PAK2: variants seen among roughly 807,000 people sequenced by gnomAD.
The protein encoded by PAK2 is p21 (RAC1) activated kinase 2.
PAK2 carries 21 observed loss-of-function variants against 65.9 expected under a neutral mutation model. That is an observed-to-expected ratio of 0.32 (90% CI 0.23 to 0.46). The LOEUF (loss-of-function observed/expected upper bound fraction) is 0.46. Among genes scored for constraint, PAK2 ranks in the 20% least tolerant of loss-of-function variants. The probability of loss-of-function intolerance (pLI) is 1.00; values close to 1 mark genes in which losing one functional copy is unlikely to be tolerated. For missense variants in PAK2, 324 were observed against 642.6 expected (o/e 0.50, Z 5.36); for synonymous variants, 204 against 219.7 (o/e 0.93, Z 0.63).
chr3:196,827,360 G>A, intron 14 of PAK2, 27 bp downstream of exon 14: 1 of 1,588,770 alleles, frequency 6.3e-7, no homozygotes, highest in East Asian at 2.3e-5. Flanking sequence ...TTTCATTTGG[G>A]GGAATAGTTG....
intron 2 of PAK2, among the ~76,000 whole-genome samples, chr3:196,792,962 A>G (rs74795300): frequency 0.011 from 1,624 of 152,310 alleles, 31 homozygotes; most frequent in African/African-American, 0.037. Flanking sequence ...GCGTTTGCAG[A>G]GGGGAATCTG....
At chr3:196,789,305 G>A (rs550489588) in intron 2 of PAK2, among the ~76,000 whole-genome samples, 3 of 151,962 alleles carry the variant, frequency 2.0e-5, no homozygotes, top group Admixed American at 6.6e-5. Flanking sequence ...CAACCTATAA[G>A]CACCTTCACT....
At chr3:196,777,276 T>A (rs1714566514) in intron 1 of PAK2, among the ~76,000 whole-genome samples, 1 of 152,176 alleles carries the variant, frequency 6.6e-6, no homozygotes, top group East Asian at 1.9e-4. Context: ...TGATCTTGGC[T>A]CACTGCAACT....
chr3:196,801,321 G>A (rs1715416107), intron 2 of PAK2, among the ~76,000 whole-genome samples: 1 of 152,082 alleles, frequency 6.6e-6, no homozygotes, highest in Non-Finnish European at 1.5e-5. Context: ...GCCCGAAGGG[G>A]GTGTCTCTTC....
chr3:196,762,560 C>T (rs529799918), intron 1 of PAK2, among the ~76,000 whole-genome samples: 10 of 148,782 alleles, frequency 6.7e-5, no homozygotes, highest in Admixed American at 6.0e-4. Flanking sequence ...GCGGCGCATG[C>T]CTGCAATCGC....
In PAK2 at chr3:196,791,140, T is replaced by C. The variant is rs1715056485; in HGVS notation, c.187+8307T>C. Among the ~76,000 whole-genome samples the C allele has an allele frequency of 6.6e-6, 1 of 152,144 alleles. No individual in the cohort carries two copies. ...GCCCTCTATTTCTGGGCTTCTAGAG[T>C]CGTTATATAAGAGTATTAAAGACAT... On this transcript the variant is annotated intron_variant, in intron 2 of 14. Coordinates refer to ENST00000327134, the MANE Select transcript of PAK2 (RefSeq NM_002577.4). This position sits in a 1 kb window ranked among gnomAD's most constrained non-coding sequence, Gnocchi z 4.0.
At chr3:196,741,753 C>G (rs1009722177) in intron 1 of PAK2, among the ~76,000 whole-genome samples, 2 of 152,164 alleles carry the variant, frequency 1.3e-5, no homozygotes, top group Non-Finnish European at 2.9e-5. Context: ...TTGTCCTTAA[C>G]TTAATGGATG....
intron 1 of PAK2, among the ~76,000 whole-genome samples, chr3:196,765,816 G>C (rs1254308220): frequency 6.6e-6 from 1 of 152,020 alleles, no homozygotes; most frequent in Non-Finnish European, 1.5e-5. Context: ...TTGTTTATTT[G>C]AAAAACACAT....
Position 196,745,818 on chromosome 3 carries a change from T to TA in PAK2, c.-22+5674dup, listed in dbSNP as rs747996109. Among the ~76,000 whole-genome samples the TA allele has an allele frequency of 1.3e-3, 182 of 142,204 alleles. 1 individual carries two copies. The highest frequency in any genetic ancestry group is 8.5e-3 in the East Asian group (41 of 4,852). 93.3% of individuals were successfully genotyped at this position (142,204 alleles called of 152,430 possible). A position where few individuals can be genotyped will look rare whatever the true frequency, so the allele number is the denominator to read the frequency against. The stretch of plus-strand genomic sequence containing the variant: ...AACAGAACGAGACTCCATCTCTAAG[T>TA]AAAAAAAAAAAAAGAAGAAGTAGTA... On this transcript the variant is annotated intron_variant, in intron 1 of 14. Coordinates refer to ENST00000327134, the MANE Select transcript of PAK2 (RefSeq NM_002577.4).
chr3:196,829,939 CTT>C lies in PAK2; in HGVS notation c.*1535_*1536del, dbSNP rs569306484. 340 of 152,070 alleles carry C rather than the reference CTT, an allele frequency of 2.2e-3. 1 individual carries two copies. Among genetic ancestry groups the C allele is most frequent in the African/African-American group, 7.5e-3 (313 of 41,468 alleles). 9.4% of individuals were successfully genotyped at this position (152,070 alleles called of 1,614,324 possible). A position where few individuals can be genotyped will look rare whatever the true frequency, so the allele number is the denominator to read the frequency against. On this transcript the variant is annotated 3_prime_UTR_variant, in exon 15 of 15. Coordinates refer to ENST00000327134, the MANE Select transcript of PAK2 (RefSeq NM_002577.4). Reference sequence around the variant, plus strand: ...CTCTTCTCTTTTTTCCTCTCCTCTTCTTCTCCTTTATTCATTGTTTTGCTTTT... The same window carrying C: ...CTCTTCTCTTTTTTCCTCTCCTCTTCCTCCTTTATTCATTGTTTTGCTTTT...
At position 196,831,816 on chromosome 3, in the gene PAK2, A is replaced by C. The variant is rs567472999; in HGVS notation, c.*3411A>C. ...ACATCTAGTGAAATGTCAGTGTCAA[A>C]ATATTATAGATTATAGCTAAAATCC... On this transcript the variant is annotated 3_prime_UTR_variant, in exon 15 of 15. Coordinates refer to ENST00000327134, the MANE Select transcript of PAK2 (RefSeq NM_002577.4). The C allele has an allele frequency of 6.6e-6, 1 of 152,312 alleles. No homozygotes were observed. Among genetic ancestry groups the C allele is most frequent in the Non-Finnish European group, 1.5e-5 (1 of 68,030 alleles). The allele number at this position is 152,312 out of a possible 1,614,324, so 9.4% of individuals were successfully genotyped here.
At chr3:196,809,086 GAAAA>G (rs1242570249) in intron 7 of PAK2, among the ~76,000 whole-genome samples, 1 of 149,994 alleles carries the variant, frequency 6.7e-6, no homozygotes, top group Non-Finnish European at 1.5e-5. Context: ...AAAAAAAAAA[GAAAA>G]AAAGAAAATT....
At chr3:196,777,329 G>A (rs530414708) in intron 1 of PAK2, among the ~76,000 whole-genome samples, 13 of 152,052 alleles carry the variant, frequency 8.5e-5, no homozygotes, top group Admixed American at 2.6e-4. Context: ...TCAGCCGCCC[G>A]AGTAGCTGGG....
intron 2 of PAK2, among the ~76,000 whole-genome samples, chr3:196,784,516 G>T (rs1318347227): frequency 3.5e-5 from 4 of 115,842 alleles, no homozygotes. Flanking sequence ...TGAGAATGAT[G>T]ATTTCCAATT....
chr3:196,773,923 TC>T, intron 1 of PAK2, among the ~76,000 whole-genome samples: 1 of 151,188 alleles, frequency 6.6e-6, no homozygotes, highest in East Asian at 1.9e-4. Flanking sequence ...ACTCCTGTAA[TC>T]CCAGCTACTC....
intron 1 of PAK2, among the ~76,000 whole-genome samples, chr3:196,764,840 TC>T (rs376115554): frequency 2.2e-5 from 3 of 136,570 alleles, no homozygotes; most frequent in South Asian, 4.6e-4. Context: ...TTCTTTTCTT[TC>T]TTTTTTTTTT....
At chr3:196,796,015 C>T (rs1462518427) in intron 2 of PAK2, among the ~76,000 whole-genome samples, 2 of 152,216 alleles carry the variant, frequency 1.3e-5, no homozygotes, top group East Asian at 1.9e-4. Context: ...AACCTGGATC[C>T]CTCGCGTGTG....
Position 196,802,059 on chromosome 3 carries a change from C to T in PAK2, c.288+32C>T, listed in dbSNP as rs763744156. On this transcript the variant is annotated intron_variant, in intron 3 of 14. Transcript: ENST00000327134. ...TAACCTAGTTCGGGCCCATTTATAA[C>T]GTTTAAAATAGCACTCAAACATTTT... 8.5e-6 allele frequency: 9 copies of T among 1,064,980 alleles called. 1 individual carries two copies. The highest frequency in any genetic ancestry group is 5.2e-5 in the South Asian group (4 of 76,706). 66.0% of individuals were successfully genotyped at this position (1,064,980 alleles called of 1,614,324 possible).
intron 11 of PAK2, among the ~76,000 whole-genome samples, chr3:196,815,654 GTA>G (rs1442775206): frequency 1.4e-4 from 21 of 151,946 alleles, no homozygotes; most frequent in Admixed American, 2.6e-4. Context: ...GGGTGTGGTG[GTA>G]CGCGCCTGTA....
Sources: allele counts gnomAD v4.1 joint callset (sites outside exome capture counted in the v4.1 genomes callset), GRCh38; gene constraint gnomAD v4.1.1; non-coding constraint Gnocchi (gnomAD v3.1); transcripts MANE v1.5; gene names NCBI Gene and HGNC (gene_info 2026-07-23, HGNC 2026-07-21).